Variants in FBXO4 observed in about 807,000 individuals in gnomAD.
The protein encoded by FBXO4 is F-box only protein 4.
A neutral mutation model predicts 43.7 loss-of-function variants in FBXO4; 36 were observed. That is an observed-to-expected ratio of 0.82 (90% confidence interval 0.63 to 1.09). FBXO4 has a LOEUF of 1.09. Among genes scored for constraint, FBXO4 ranks in the 50% least tolerant of loss-of-function variants. The probability of loss-of-function intolerance (pLI) is 0.00; values close to 1 mark genes in which losing one functional copy is unlikely to be tolerated. For missense variants in FBXO4, 435 were observed against 474.1 expected (o/e 0.92, Z 0.77); for synonymous variants, 180 against 165.6 (o/e 1.09, Z -0.67).
the FBXO4 span, among the ~76,000 whole-genome samples, chr5:41,977,655 C>G: frequency 2.3e-4 from 35 of 152,110 alleles, no homozygotes; most frequent in Admixed American, 2.2e-3. Flanking sequence ...CCATATTTCT[C>G]AAAAAACTCC....
chr5:42,003,925 C>T, the FBXO4 span, among the ~76,000 whole-genome samples: 6 of 152,028 alleles, frequency 3.9e-5, no homozygotes, highest in Middle Eastern at 3.2e-3. Context: ...CACATGTGCA[C>T]GTATATTTAT....
At chr5:42,032,162 G>A in the FBXO4 span, among the ~76,000 whole-genome samples, 2 of 151,848 alleles carry the variant, frequency 1.3e-5, no homozygotes, top group East Asian at 3.9e-4. Flanking sequence ...CTACCACTGT[G>A]TCTGTGCTGG....
chr5:41,998,962 C>T, the FBXO4 span, among the ~76,000 whole-genome samples: 2 of 152,002 alleles, frequency 1.3e-5, no homozygotes, highest in African/African-American at 4.8e-5. Flanking sequence ...TCATCACTTT[C>T]TCCACTGAAC....
At chr5:41,971,179 T>C in the FBXO4 span, among the ~76,000 whole-genome samples, 1 of 150,876 alleles carries the variant, frequency 6.6e-6, no homozygotes, top group Non-Finnish European at 1.5e-5. Flanking sequence ...ACAATAAAAT[T>C]TTATATTGAT....
chr5:41,934,948 A>G (rs1189151528), intron 5 of FBXO4: 5 of 958,710 alleles, frequency 5.2e-6, no homozygotes, highest in Non-Finnish European at 6.2e-6. Flanking sequence ...TATATTGTAT[A>G]TATATTATAG....
At chr5:41,925,713 CTCAGGGAAGCACCT>C (rs1191401036) in intron 1 of FBXO4, among the ~76,000 whole-genome samples, 1 of 152,040 alleles carries the variant, frequency 6.6e-6, no homozygotes, top group Non-Finnish European at 1.5e-5. Context: ...GCCCGAACAT[CTCAGGGAAGCACCT>C]TCATGGGGCC....
At chr5:41,967,571 A>AT in the FBXO4 span, 1 of 1,091,684 alleles carries the variant, frequency 9.2e-7, no homozygotes. Context: ...TGCAATAGGC[A>AT]TTACAACATT....
chr5:41,968,969 C>A, the FBXO4 span, among the ~76,000 whole-genome samples: 14 of 152,076 alleles, frequency 9.2e-5, no homozygotes, highest in African/African-American at 3.4e-4. Context: ...ATTTTTAAAG[C>A]GTGTTATTTA....
chr5:41,937,563 T>C (rs948053895), intron 5 of FBXO4, among the ~76,000 whole-genome samples: 5 of 152,252 alleles, frequency 3.3e-5, no homozygotes, highest in African/African-American at 9.6e-5. Context: ...ATCTGAATGG[T>C]ACTGTGATTT....
chr5:41,962,436 G>C, the FBXO4 span, among the ~76,000 whole-genome samples: 1 of 152,202 alleles, frequency 6.6e-6, no homozygotes, highest in Non-Finnish European at 1.5e-5. Flanking sequence ...AGGTTTTTGT[G>C]TTGCCTGAAG....
Position 41,938,099 on chromosome 5 carries a change from C to G in FBXO4, c.899-1342C>G, listed in dbSNP as rs796940765. 2.0e-4 allele frequency among the ~76,000 whole-genome samples: 30 copies of G among 152,154 alleles called. 1 individual carries two copies. The highest frequency in any genetic ancestry group is 7.2e-4 in the African/African-American group (30 of 41,514). On this transcript the variant is annotated intron_variant, in intron 5 of 6. Coordinates refer to ENST00000281623, the MANE Select transcript of FBXO4 (RefSeq NM_012176.3). Reference sequence around the variant, plus strand: ...TTGCATCTACTGAAAAAGATGAAGACTCCTGGGATGGAAACAATGGAGCTA... The same window carrying G: ...TTGCATCTACTGAAAAAGATGAAGAGTCCTGGGATGGAAACAATGGAGCTA...
At position 41,927,028 on chromosome 5, in the gene FBXO4, T is replaced by C. The variant is rs762537132; in HGVS notation, c.205T>C (p.Tyr69His). 1 of 1,607,896 alleles carries C rather than the reference T, an allele frequency of 6.2e-7. No individual in the cohort carries two copies. Among genetic ancestry groups the C allele is most frequent in the South Asian group, 1.1e-5 (1 of 89,876 alleles). Residue 69 changes from tyrosine (Y) to histidine (H), a missense_variant, in exon 2 of 7, where the codon TAT becomes CAT. Coordinates refer to ENST00000281623, the MANE Select transcript of FBXO4 (RefSeq NM_012176.3). Reference sequence around the variant, plus strand: ...TCTGTTTCAGATTGATGTACAGCTATATATTTTGTCCTTTCTTTCACCTCA... The same window carrying C: ...TCTGTTTCAGATTGATGTACAGCTACATATTTTGTCCTTTCTTTCACCTCA... ...LTRLPIDVQLYILSFLSPHDL... is the reference protein window; with the variant it reads ...LTRLPIDVQLHILSFLSPHDL...
intron 5 of FBXO4, among the ~76,000 whole-genome samples, chr5:41,936,100 C>G (rs1298862943): frequency 6.6e-6 from 1 of 152,208 alleles, no homozygotes; most frequent in Non-Finnish European, 1.5e-5. Flanking sequence ...GTCTTTATTG[C>G]TCTTCTACAT....
At chr5:41,941,165 A>G (rs1236875357) in intron 6 of FBXO4, 27 bp from the exon 7 acceptor site, 1 of 1,592,474 alleles carries the variant, frequency 6.3e-7, no homozygotes, top group Admixed American at 1.7e-5. Flanking sequence ...TTTCTTACTA[A>G]CAACATTCTC....
At chr5:41,956,640 T>C in the FBXO4 span, among the ~76,000 whole-genome samples, 2 of 151,988 alleles carry the variant, frequency 1.3e-5, no homozygotes, top group African/African-American at 4.8e-5. Flanking sequence ...TTGTTCTGTT[T>C]CTTACAATTT....
the FBXO4 span, among the ~76,000 whole-genome samples, chr5:41,958,763 T>C: frequency 6.6e-6 from 1 of 152,216 alleles, no homozygotes; most frequent in South Asian, 2.1e-4. Flanking sequence ...TATTCCATTG[T>C]ATATACACAT....
the FBXO4 span, among the ~76,000 whole-genome samples, chr5:41,980,291 A>T: frequency 3.9e-5 from 6 of 152,320 alleles, no homozygotes; most frequent in Admixed American, 1.3e-4. Context: ...ATTCAGGATA[A>T]CATTTGGAAT....
the FBXO4 span, among the ~76,000 whole-genome samples, chr5:41,962,987 T>A: frequency 6.6e-6 from 1 of 152,218 alleles, no homozygotes; most frequent in African/African-American, 2.4e-5. Flanking sequence ...TTTTGGATTT[T>A]AAGTCATTAG....
At chr5:42,035,278 T>C in the FBXO4 span, among the ~76,000 whole-genome samples, 23 of 152,218 alleles carry the variant, frequency 1.5e-4, no homozygotes, top group East Asian at 4.4e-3. Flanking sequence ...ACAGAGGCAA[T>C]TTGACTTTTT....
Sources: allele counts gnomAD v4.1 joint callset (sites outside exome capture counted in the v4.1 genomes callset), GRCh38; gene constraint gnomAD v4.1.1; transcripts MANE v1.5; gene names NCBI Gene and HGNC (gene_info 2026-07-23, HGNC 2026-07-21).